Variants in AKR1C3 observed in about 807,000 individuals in gnomAD.
The protein encoded by AKR1C3 is 3-alpha hydroxysteroid dehydrogenase, type II.
AKR1C3 carries 48 observed loss-of-function variants against 43.6 expected under a neutral mutation model. The observed-to-expected ratio is 1.10, with a 90% CI of 0.87 to 1.40. The LOEUF is 1.40. Among genes scored for constraint, AKR1C3 ranks in the 40% most tolerant of loss-of-function variants. The pLI is 0.00. For synonymous variants in AKR1C3, 162 were observed against 139.6 expected, an observed-to-expected ratio of 1.16 and a Z score of -1.13; for missense variants, 482 against 391.2, an observed-to-expected ratio of 1.23 and a Z score of -1.96.
intron 1 of AKR1C3, among the ~76,000 whole-genome samples, chr10:5,066,752 T>C (rs1838512478): frequency 6.6e-6 from 1 of 152,238 alleles, no homozygotes; most frequent in East Asian, 1.9e-4. Flanking sequence ...CTTCATTTAA[T>C]GTATTTTTCC....
intron 1 of AKR1C3, among the ~76,000 whole-genome samples, chr10:5,066,633 G>C (rs1838509236): frequency 6.6e-6 from 1 of 152,110 alleles, no homozygotes; most frequent in Admixed American, 6.5e-5. Flanking sequence ...CTCATCGAAG[G>C]TCCCCATAAG....
In AKR1C3 at chr10:5,097,453, G is replaced by A. The variant is rs782497370; in HGVS notation, c.272G>A (p.Arg91Gln). Residue 91 changes from arginine to glutamine, a missense_variant, in exon 3 of 9, where the codon CGA becomes CAA. Physicochemically the swap from Arg to Gln is conservative, Grantham distance 43. Transcript: ENST00000380554. The part of the protein sequence containing the change: ...YTSKLWSTFH[R>Q]PELVRPALEN... ...CTGCAGCTTTGGTCCACTTTTCATC[G>A]ACCAGAGTTGGTCCGACCAGCCTTG... 3.7e-5 allele frequency: 60 copies of A among 1,613,316 alleles called. No homozygotes were observed. Among genetic ancestry groups the A allele is most frequent in the South Asian group, 9.9e-5 (9 of 91,022 alleles).
At position 5,105,457 on chromosome 10, in the gene AKR1C3, G is replaced by C. The variant is rs587760167; in HGVS notation, c.847-138G>C. Reference sequence around the variant, plus strand: ...TCGTGAGCTATTCATTGACCCACCTGAGTGTTTAGAGCTGACTTCTATAAC... The same window carrying C: ...TCGTGAGCTATTCATTGACCCACCTCAGTGTTTAGAGCTGACTTCTATAAC... On this transcript the variant is annotated intron_variant, in intron 7 of 8. Transcript: ENST00000380554. 23 of 588,508 alleles carry C rather than the reference G, an allele frequency of 3.9e-5. No homozygotes were observed. The African/African-American group carries it at 4.3e-4, about 11-fold the overall frequency. 36.5% of individuals were successfully genotyped at this position (588,508 alleles called of 1,614,324 possible).
intron 1 of AKR1C3, among the ~76,000 whole-genome samples, chr10:5,083,264 T>A (rs1554782596): frequency 1.3e-5 from 2 of 152,122 alleles, no homozygotes; most frequent in Non-Finnish European, 1.5e-5. Context: ...AGTGTGATGT[T>A]CCCCTTCCTG....
In AKR1C3 at chr10:5,099,361, A is replaced by C. The variant is rs1839291855; in HGVS notation, c.482A>C (p.Lys161Thr). ...MEKCKDAGLAKSIGVSNFNRR... is the reference protein window; with the variant it reads ...MEKCKDAGLATSIGVSNFNRR... ...AAGTGTAAGGATGCAGGATTGGCCAAGTCCATTGGGGTGTCAAACTTCAAC... is the reference window on the plus strand; with the variant it reads ...AAGTGTAAGGATGCAGGATTGGCCACGTCCATTGGGGTGTCAAACTTCAAC... Residue 161 changes from lysine to threonine, a missense_variant, in exon 5 of 9, where the codon AAG becomes ACG. Lys to Thr is a moderately conservative substitution (Grantham distance 78). Transcript: ENST00000380554. 6.2e-6 allele frequency: 10 copies of C among 1,614,170 alleles called. No individual in the cohort carries two copies. The highest frequency in any genetic ancestry group is 6.8e-6 in the Non-Finnish European group (8 of 1,180,034).
chr10:5,090,496 A>T (rs1406248732), upstream of AKR1C3, among the ~76,000 whole-genome samples: 1 of 152,156 alleles, frequency 6.6e-6, no homozygotes, highest in Non-Finnish European at 1.5e-5. Context: ...ACTGTCCCAT[A>T]GCTCTCTAAG....
chr10:5,080,888 G>C (rs149057250), intron 1 of AKR1C3: 2 of 152,142 alleles, frequency 1.3e-5, no homozygotes, highest in Non-Finnish European at 1.5e-5. Flanking sequence ...ATCAAATGAC[G>C]GCCAAAGGAG....
At chr10:5,086,269 T>A (rs1427540079) in intron 1 of AKR1C3, among the ~76,000 whole-genome samples, 7 of 151,622 alleles carry the variant, frequency 4.6e-5, no homozygotes, top group Non-Finnish European at 1.0e-4. Context: ...GATTCTGGTA[T>A]GTTGTGTCTT....
intron 5 of AKR1C3, among the ~76,000 whole-genome samples, chr10:5,100,388 C>T (rs915745365): frequency 2.0e-5 from 3 of 152,210 alleles, no homozygotes; most frequent in Non-Finnish European, 4.4e-5. Context: ...TAGACCTGAC[C>T]TATCACTGCC....
chr10:5,094,479 A>T lies in AKR1C3; in HGVS notation c.35A>T (p.Asp12Val). ...AAACACCAGTGTGTAAAGCTAAATG[A>T]TGGCCACTTCATGCCTGTATTGGGA... ...DSKHQCVKLNDGHFMPVLGFG... is the reference protein window; with the variant it reads ...DSKHQCVKLNVGHFMPVLGFG... Residue 12 changes from aspartate to valine, a missense_variant, in exon 1 of 9, where the codon GAT becomes GTT. By Grantham distance (152) the Asp-to-Val change is radical. Coordinates refer to ENST00000380554, the MANE Select transcript of AKR1C3 (RefSeq NM_003739.6). 6.2e-7 allele frequency: 1 copy of T among 1,612,942 alleles called. No homozygotes were observed. The highest frequency in any genetic ancestry group is 8.5e-7 in the Non-Finnish European group (1 of 1,179,064).
upstream of AKR1C3, chr10:5,094,407 C>G (rs1554784818): frequency 1.2e-6 from 2 of 1,601,328 alleles, no homozygotes; most frequent in East Asian, 2.3e-5. Context: ...TGAGGAGAAG[C>G]AGCAGCAAAC....
intron 1 of AKR1C3, among the ~76,000 whole-genome samples, chr10:5,080,288 T>C (rs574401136): frequency 3.3e-5 from 5 of 152,316 alleles, no homozygotes; most frequent in Admixed American, 3.3e-4. Flanking sequence ...GCAAGTATAC[T>C]TACTTGCATA....
chr10:5,097,699 T>A, intron 3 of AKR1C3, 149 bp downstream of exon 3: 2 of 1,490,348 alleles, frequency 1.3e-6, no homozygotes, highest in Non-Finnish European at 1.8e-6. Context: ...ATTTCCTTTC[T>A]TTCGAGTAAA....
At chr10:5,055,132 G>A (rs1838233548) in intron 1 of AKR1C3, among the ~76,000 whole-genome samples, 1 of 152,202 alleles carries the variant, frequency 6.6e-6, no homozygotes, top group Admixed American at 6.5e-5. Flanking sequence ...CTGGTCCCTG[G>A]GGGAAGAGGC....
chr10:5,102,684 G>A (rs1224614382), intron 7 of AKR1C3, 34 bp downstream of exon 7: 2 of 1,448,750 alleles, frequency 1.4e-6, no homozygotes, highest in African/African-American at 1.4e-5. Flanking sequence ...CAGGTCTCCT[G>A]CACAGTGTCC....
chr10:5,056,468 A>C (rs1041739323), intron 1 of AKR1C3, among the ~76,000 whole-genome samples: 1 of 152,206 alleles, frequency 6.6e-6, no homozygotes, highest in African/African-American at 2.4e-5. Context: ...CGGTTTTTGT[A>C]CTCCTAGAAT....
At chr10:5,097,702 C>T (rs552317814) in intron 3 of AKR1C3, 152 bp downstream of exon 3, 20 of 1,479,864 alleles carry the variant, frequency 1.4e-5, no homozygotes, top group African/African-American at 2.8e-5. Flanking sequence ...TCCTTTCTTT[C>T]GAGTAAATTT....
chr10:5,097,910 GATGCACA>G, intron 3 of AKR1C3: 1 of 1,068,338 alleles, frequency 9.4e-7, no homozygotes, highest in South Asian at 2.9e-5. Context: ...CTGCACATGT[GATGCACA>G]ATGAGTTTCC....
At chr10:5,095,614 A>T (rs1554784983) in intron 1 of AKR1C3, among the ~76,000 whole-genome samples, 2 of 152,160 alleles carry the variant, frequency 1.3e-5, no homozygotes. Context: ...TATTTTTGTC[A>T]TTAAAAAATA....
Sources: allele counts gnomAD v4.1 joint callset (sites outside exome capture counted in the v4.1 genomes callset), GRCh38; gene constraint gnomAD v4.1.1; transcripts MANE v1.5; gene names NCBI Gene and HGNC (gene_info 2026-07-23, HGNC 2026-07-21).